Variants in NLRC4 observed in about 807,000 individuals in gnomAD.
The protein encoded by NLRC4 is NLR family CARD domain-containing protein 4.
A neutral mutation model predicts 79.9 loss-of-function variants in NLRC4; 63 were observed. The ratio of observed to expected loss-of-function variants is 0.79; its 90% CI spans 0.64 to 0.97. NLRC4 has a LOEUF of 0.97. Among genes scored for constraint, NLRC4 ranks in the 50% least tolerant of loss-of-function variants. The probability of loss-of-function intolerance (pLI) is 0.00; values close to 1 mark genes in which losing one functional copy is unlikely to be tolerated. For synonymous variants in NLRC4, 461 were observed against 456.5 expected (o/e 1.01, Z -0.12); for missense variants, 1,074 against 1,215.2 (o/e 0.88, Z 1.73).
chr2:32,233,024 A>T (rs1198745713), intron 8 of NLRC4, among the ~76,000 whole-genome samples: 1 of 150,578 alleles, frequency 6.6e-6, no homozygotes, highest in African/African-American at 2.4e-5. Context: ...AGGAAGGAGG[A>T]TCCCTTGAGC....
chr2:32,236,132 G>A, intron 7 of NLRC4, 115 bp downstream of exon 7: 1 of 593,194 alleles, frequency 1.7e-6, no homozygotes, highest in South Asian at 2.3e-5. Flanking sequence ...TCCTAAGGAG[G>A]GTGCATCTAG....
chr2:32,257,191 A>G (rs1687226596), intron 1 of NLRC4, among the ~76,000 whole-genome samples: 1 of 152,262 alleles, frequency 6.6e-6, no homozygotes, highest in South Asian at 2.1e-4. Context: ...AAGACGGTAT[A>G]AGTGTCAACA....
In NLRC4 at chr2:32,233,345, ATATAT is replaced by A. The variant is rs1328084648; in HGVS notation, c.2782+2051_2782+2055del. On this transcript the variant is annotated intron_variant, in intron 8 of 8. Transcript: ENST00000402280. ...AATATATATATATATATATATATAT[ATATAT>A]TTTTTTTTTTTTTTTTTTAATTGTA... Among the ~76,000 whole-genome samples the A allele has an allele frequency of 2.6e-3, 167 of 63,748 alleles. 1 individual carries two copies. Among genetic ancestry groups the A allele is most frequent in the African/African-American group, 7.0e-3 (93 of 13,294 alleles). The allele number at this position is 63,748 out of a possible 152,430, so 41.8% of individuals were successfully genotyped here.
intron 4 of NLRC4, among the ~76,000 whole-genome samples, chr2:32,241,562 T>A (rs1686803149): frequency 6.6e-6 from 1 of 151,950 alleles, no homozygotes; most frequent in South Asian, 2.1e-4. Flanking sequence ...GTATTTTTAG[T>A]AGAGACGGGG....
intron 1 of NLRC4, among the ~76,000 whole-genome samples, chr2:32,261,329 T>TTTTTTTTTTTTTTTTTG (rs1230263597): frequency 8.4e-6 from 1 of 119,206 alleles, no homozygotes; most frequent in Admixed American, 9.0e-5. Flanking sequence ...TTGTTTTTTT[T>TTTTTTTTTTTTTTTTTG]TGAGATGGAG....
At chr2:32,257,297 A>G (rs1375944772) in intron 1 of NLRC4, among the ~76,000 whole-genome samples, 1 of 152,242 alleles carries the variant, frequency 6.6e-6, no homozygotes, top group African/African-American at 2.4e-5. Context: ...AGGAGACAGC[A>G]CATGAACCAG....
intron 1 of NLRC4, among the ~76,000 whole-genome samples, chr2:32,260,929 A>G (rs1015773713): frequency 6.6e-6 from 1 of 152,106 alleles, no homozygotes; most frequent in Non-Finnish European, 1.5e-5. Flanking sequence ...GCAGTGGCTC[A>G]CGCCTGTAAT....
At position 32,231,574 on chromosome 2, in the gene NLRC4, TG is replaced by T. The variant is rs759316485; in HGVS notation, c.2782+3826del. On this transcript the variant is annotated intron_variant, in intron 8 of 8. Coordinates refer to ENST00000402280, the MANE Select transcript of NLRC4 (RefSeq NM_001199138.2). ...TTCTTTCTTTTTCTATTTTTTTTTG[TG>T]GGGGGGGGGTGGGGGACTGGGTGTC... is the stretch of plus-strand genomic sequence containing the variant. Among the ~76,000 whole-genome samples, 67 of 74,736 alleles carry T rather than the reference TG, an allele frequency of 9.0e-4. 3 individuals carry two copies. The highest frequency in any genetic ancestry group is 6.8e-3 in the South Asian group (14 of 2,062). 49.0% of individuals were successfully genotyped at this position (74,736 alleles called of 152,430 possible). A position where few individuals can be genotyped will look rare whatever the true frequency, so the allele number is the denominator to read the frequency against.
chr2:32,250,773 T>A lies in NLRC4; in HGVS notation c.1091A>T (p.His364Leu). The change falls in exon 4 of 9, where the codon CAT (histidine) becomes CTT (leucine). Residue 364 changes from histidine to leucine, a missense_variant. By Grantham distance (99) the His-to-Leu change is moderately conservative (BLOSUM62 -3). Transcript: ENST00000402280. The surrounding 1 kb of genome is among the most constrained non-coding windows in gnomAD (Gnocchi z 4.9). The stretch of plus-strand genomic sequence containing the variant: ...CTGTATCAACAGATCATAGAAGGTA[T>A]GGAACAGCGTTGTTTGTGTGTGAGA... ...FHSHTQTTLF[H>L]TFYDLLIQKN... is the part of the protein sequence containing the mutation. 6.2e-7 allele frequency: 1 copy of A among 1,614,214 alleles called. No individual in the cohort carries two copies. The highest frequency in any genetic ancestry group is 1.1e-5 in the South Asian group (1 of 91,078).
At chr2:32,259,289 T>TTTTTTTTTTTTTTTTTTTTTTTTG (rs1687283884) in intron 1 of NLRC4, among the ~76,000 whole-genome samples, 1 of 136,994 alleles carries the variant, frequency 7.3e-6, no homozygotes, top group Non-Finnish European at 1.6e-5. Flanking sequence ...TTTTTTTTTT[T>TTTTTTTTTTTTTTTTTTTTTTTTG]TAGAGACAGA....
At chr2:32,239,710 C>T (rs543451219) in intron 5 of NLRC4, among the ~76,000 whole-genome samples, 1 of 152,200 alleles carries the variant, frequency 6.6e-6, no homozygotes, top group Admixed American at 6.5e-5. Flanking sequence ...CATTTTGATT[C>T]CTTAATAGCA....
At position 32,252,505 on chromosome 2, in the gene NLRC4, A is replaced by C. The variant is rs925367132; in HGVS notation, c.176T>G (p.Leu59Trp). The change falls in exon 3 of 9, where the codon TTG becomes TGG. Residue 59 changes from leucine to tryptophan, a missense_variant. By Grantham distance (61) the Leu-to-Trp change is moderately conservative. Coordinates refer to ENST00000402280, the MANE Select transcript of NLRC4 (RefSeq NM_001199138.2). ...GTTACAGGACTCTGAACCCTTTTTC[A>C]AAATCATGTGAATGATCCCTCTAGC... is the stretch of plus-strand genomic sequence containing the variant. ...DAARGIIHMI[L>W]KKGSESCNLF... 2 of 1,613,728 alleles carry C rather than the reference A, an allele frequency of 1.2e-6. No homozygotes were observed. The highest frequency in any genetic ancestry group is 1.7e-6 in the Non-Finnish European group (2 of 1,179,770).
At position 32,250,492 on chromosome 2, in the gene NLRC4, A is replaced by C; in HGVS notation, c.1372T>G (p.Leu458Val). The change falls in exon 4 of 9, where the codon TTA (leucine) becomes GTA (valine). Residue 458 changes from leucine to valine, a missense_variant. By Grantham distance (32) the Leu-to-Val change is conservative. Coordinates refer to ENST00000402280, the MANE Select transcript of NLRC4 (RefSeq NM_001199138.2). The surrounding 1 kb of genome is among the most constrained non-coding windows in gnomAD (Gnocchi z 4.9). Reference sequence around the variant, plus strand: ...TCCTCTGGCTCATGAGACGTCAATAAACTGCTGAGTCTTCGTCCTGCTGTG... The same window carrying C: ...TCCTCTGGCTCATGAGACGTCAATACACTGCTGAGTCTTCGTCCTGCTGTG... ...EYTAGRRLSS[L>V]LTSHEPEEVT... 5.6e-6 allele frequency: 9 copies of C among 1,614,224 alleles called. No individual in the cohort carries two copies. The highest frequency in any genetic ancestry group is 7.6e-6 in the Non-Finnish European group (9 of 1,180,034).
intron 4 of NLRC4, among the ~76,000 whole-genome samples, chr2:32,247,047 C>T (rs1686953504): frequency 6.6e-6 from 1 of 152,174 alleles, no homozygotes; most frequent in Non-Finnish European, 1.5e-5. Context: ...TGTGAGTCAC[C>T]TGGCCTGGCC....
At chr2:32,239,445 G>A (rs1012081154) in intron 5 of NLRC4, among the ~76,000 whole-genome samples, 9 of 152,134 alleles carry the variant, frequency 5.9e-5, no homozygotes, top group Admixed American at 1.3e-4. Context: ...AGTATATACC[G>A]GTTAAAGGTT....
chr2:32,232,969 T>C (rs141412209), intron 8 of NLRC4, among the ~76,000 whole-genome samples: 1 of 152,042 alleles, frequency 6.6e-6, no homozygotes, highest in African/African-American at 2.4e-5. Context: ...GGAAGGTCCA[T>C]TAGCGGAGCA....
At chr2:32,244,561 TAAAA>T (rs776325426) in intron 4 of NLRC4, among the ~76,000 whole-genome samples, 1 of 151,522 alleles carries the variant, frequency 6.6e-6, no homozygotes, top group Non-Finnish European at 1.5e-5. Context: ...AAAAAATAAA[TAAAA>T]GGAATACAGA....
intron 2 of NLRC4, among the ~76,000 whole-genome samples, chr2:32,255,788 G>A (rs1486546343): frequency 6.6e-6 from 1 of 152,142 alleles, no homozygotes; most frequent in African/African-American, 2.4e-5. Flanking sequence ...GCCGAGGCGG[G>A]TGGATCACGA....
chr2:32,233,510 A>G (rs1247018219), intron 8 of NLRC4, among the ~76,000 whole-genome samples: 1 of 151,774 alleles, frequency 6.6e-6, no homozygotes, highest in Non-Finnish European at 1.5e-5. Context: ...GAAATTTTTC[A>G]GTTTCCTTCT....
Sources: allele counts gnomAD v4.1 joint callset (sites outside exome capture counted in the v4.1 genomes callset), GRCh38; gene constraint gnomAD v4.1.1; non-coding constraint Gnocchi (gnomAD v3.1); transcripts MANE v1.5; gene names NCBI Gene and HGNC (gene_info 2026-07-23, HGNC 2026-07-21).